The following MTF1 variants were observed in gnomAD, a reference collection of about 807,000 sequenced individuals.
The protein encoded by MTF1 is MRE-binding transcription factor.
Under a neutral mutation model 70.4 loss-of-function variants are expected in MTF1, and 22 were observed. The ratio of observed to expected loss-of-function variants is 0.31; its 90% CI spans 0.22 to 0.45. MTF1 has a LOEUF of 0.45. Among genes scored for constraint, MTF1 ranks in the 20% least tolerant of loss-of-function variants. MTF1 has a pLI of 1.00. For missense variants in MTF1, 649 were observed against 922.0 expected, an observed-to-expected ratio of 0.70 and a Z score of 3.83; for synonymous variants, 333 against 352.8, an observed-to-expected ratio of 0.94 and a Z score of 0.63.
intron 2 of MTF1, among the ~76,000 whole-genome samples, chr1:37,856,528 C>G (rs1213685559): frequency 7.2e-6 from 1 of 138,618 alleles, no homozygotes; most frequent in Non-Finnish European, 1.5e-5. Flanking sequence ...TAGATGGAGT[C>G]TCACTCTATC....
rs1238844419 is a variant in MTF1, at chr1:37,811,403, C to T, written c.*3733G>A. The T allele has an allele frequency of 6.5e-6, 1 of 152,692 alleles. No individual in the cohort carries two copies. Among genetic ancestry groups the T allele is most frequent in the African/African-American group, 2.4e-5 (1 of 41,466 alleles). The allele number at this position is 152,692 out of a possible 1,614,324, so 9.5% of individuals were successfully genotyped here. Reference sequence around the variant, plus strand: ...ATGGGACAACGACCATCAAGCTACACATATTGCACCAAGGTAAGTGCTTTT... The same window carrying T: ...ATGGGACAACGACCATCAAGCTACATATATTGCACCAAGGTAAGTGCTTTT... On this transcript the variant is annotated 3_prime_UTR_variant, in exon 11 of 11. Transcript: ENST00000373036.
At chr1:37,839,300 C>T (rs1641221137) in intron 3 of MTF1, among the ~76,000 whole-genome samples, 1 of 152,186 alleles carries the variant, frequency 6.6e-6, no homozygotes, top group East Asian at 1.9e-4. Flanking sequence ...GACCCCACAT[C>T]CTGCTTGGAT....
At chr1:37,851,114 T>G (rs561677506) in intron 2 of MTF1, among the ~76,000 whole-genome samples, 3 of 152,296 alleles carry the variant, frequency 2.0e-5, no homozygotes, top group African/African-American at 7.2e-5. Context: ...AGACAGTGCT[T>G]CAGGAAGGCA....
chr1:37,839,781 T>C (rs1641228411), intron 3 of MTF1, 139 bp downstream of exon 3: 1 of 683,910 alleles, frequency 1.5e-6, no homozygotes, highest in Non-Finnish European at 2.5e-6. Context: ...CTGGCAGAAA[T>C]GAATTTTACG....
rs1451676686 is a variant in MTF1, at chr1:37,810,909, T to C, written c.*4227A>G. ...GGTAGTATGGGGAGCAGTATGGAAA[T>C]GGCTCATGTTGCCCCCTGCCACCCA... On this transcript the variant is annotated 3_prime_UTR_variant, in exon 11 of 11. Transcript: ENST00000373036. 1 of 152,444 alleles carries C rather than the reference T, an allele frequency of 6.6e-6. No homozygotes were observed. The allele number at this position is 152,444 out of a possible 1,614,324, so 9.4% of individuals were successfully genotyped here. A position where few individuals can be genotyped will look rare whatever the true frequency, so the allele number is the denominator to read the frequency against.
intron 8 of MTF1, 32 bp from the exon 9 acceptor site, chr1:37,822,748 C>G (rs1051634263): frequency 4.0e-6 from 6 of 1,502,684 alleles, no homozygotes; most frequent in Non-Finnish European, 5.5e-6. Flanking sequence ...AATATATATA[C>G]ATATCCCAAG....
chr1:37,839,353 T>A (rs1641222216), intron 3 of MTF1, among the ~76,000 whole-genome samples: 1 of 152,172 alleles, frequency 6.6e-6, no homozygotes, highest in South Asian at 2.1e-4. Context: ...GTGCTTCCAT[T>A]TACTTATCAG....
At chr1:37,857,041 A>T (rs939854735) in intron 2 of MTF1, among the ~76,000 whole-genome samples, 4 of 152,244 alleles carry the variant, frequency 2.6e-5, no homozygotes, top group Non-Finnish European at 5.9e-5. Flanking sequence ...GAGAAATTAC[A>T]ATTTGATATT....
intron 2 of MTF1, among the ~76,000 whole-genome samples, chr1:37,846,066 G>C (rs1407294329): frequency 6.6e-6 from 1 of 152,148 alleles, no homozygotes; most frequent in Non-Finnish European, 1.5e-5. Context: ...AGGAGGTATT[G>C]CAACATTTGG....
intron 9 of MTF1, among the ~76,000 whole-genome samples, chr1:37,818,597 G>A (rs929479111): frequency 2.0e-5 from 3 of 152,052 alleles, no homozygotes; most frequent in Non-Finnish European, 1.5e-5. Flanking sequence ...CCAGCTAATC[G>A]GGAGGCTGAG....
chr1:37,823,849 T>C, intron 7 of MTF1, 37 bp from the exon 8 acceptor site: 1 of 1,468,258 alleles, frequency 6.8e-7, no homozygotes, highest in South Asian at 1.1e-5. Context: ...ATTGGCCATC[T>C]TGAGACAATT....
At chr1:37,821,483 T>A (rs777409103) in intron 9 of MTF1, among the ~76,000 whole-genome samples, 12 of 152,338 alleles carry the variant, frequency 7.9e-5, no homozygotes, top group Non-Finnish European at 1.5e-4. Context: ...AGAATATATG[T>A]TTTTATAAAA....
chr1:37,832,659 A>G (rs1641106771), intron 6 of MTF1, among the ~76,000 whole-genome samples: 1 of 152,120 alleles, frequency 6.6e-6, no homozygotes, highest in Admixed American at 6.5e-5. Flanking sequence ...GTTAATTTTT[A>G]AAAATCCTGA....
intron 3 of MTF1, among the ~76,000 whole-genome samples, chr1:37,839,103 C>T (rs1641218081): frequency 6.6e-6 from 1 of 152,190 alleles, no homozygotes; most frequent in East Asian, 1.9e-4. Context: ...TGCGCCTGGC[C>T]TCCCTTTGTC....
chr1:37,844,308 C>T (rs1409088331), intron 2 of MTF1, among the ~76,000 whole-genome samples: 3 of 152,212 alleles, frequency 2.0e-5, no homozygotes, highest in East Asian at 1.9e-4. Flanking sequence ...TTCTTCTCCA[C>T]TGGAAATGCC....
intron 4 of MTF1, among the ~76,000 whole-genome samples, chr1:37,838,169 CTT>C (rs1050323928): frequency 6.6e-6 from 1 of 152,186 alleles, no homozygotes; most frequent in African/African-American, 2.4e-5. Flanking sequence ...CATTTCCTCT[CTT>C]GTCTCCTCAT....
intron 2 of MTF1, among the ~76,000 whole-genome samples, chr1:37,854,639 ATGT>A (rs1641463254): frequency 6.6e-6 from 1 of 152,252 alleles, no homozygotes; most frequent in Non-Finnish European, 1.5e-5. Context: ...TAACAGTAAG[ATGT>A]TGCTGATAAA....
chr1:37,835,156 T>G lies in MTF1; in HGVS notation c.913A>C (p.Ser305Arg). The change falls in exon 6 of 11, where the codon AGT becomes CGT. Residue 305 changes from serine to arginine, a missense_variant. By Grantham distance (110) the Ser-to-Arg change is moderately radical. Transcript: ENST00000373036. ...GCEKTFSTQY[S>R]LKSHMKGHDN... ...TGACCTTTCATGTGACTTTTGAGAC[T>G]GTATTGAGTGCTGAATGTTTTCTCA... is the stretch of plus-strand genomic sequence containing the variant. The G allele has an allele frequency of 1.2e-6, 2 of 1,613,622 alleles. No individual in the cohort carries two copies. Among genetic ancestry groups the G allele is most frequent in the Non-Finnish European group, 1.7e-6 (2 of 1,179,522 alleles).
At chr1:37,846,351 T>C (rs1360478838) in intron 2 of MTF1, among the ~76,000 whole-genome samples, 1 of 146,458 alleles carries the variant, frequency 6.8e-6, no homozygotes, top group Non-Finnish European at 1.5e-5. Context: ...AACCTGAATT[T>C]AAAGACATGA....
Sources: allele counts gnomAD v4.1 joint callset (sites outside exome capture counted in the v4.1 genomes callset), GRCh38; gene constraint gnomAD v4.1.1; transcripts MANE v1.5; gene names NCBI Gene and HGNC (gene_info 2026-07-23, HGNC 2026-07-21).